PTPRR: variants seen among roughly 807,000 people sequenced by gnomAD.
The protein encoded by PTPRR is protein tyrosine phosphatase receptor type R, also known as receptor-type tyrosine-protein phosphatase R.
In PTPRR, 38 loss-of-function variants were observed where a neutral mutation model predicts 77.2. The ratio of observed to expected loss-of-function variants is 0.49; its 90% CI spans 0.38 to 0.65. The LOEUF (loss-of-function observed/expected upper bound fraction) is 0.65. Among genes scored for constraint, PTPRR ranks in the 30% least tolerant of loss-of-function variants. PTPRR has a pLI of 0.00. For missense variants in PTPRR, 744 were observed against 799.2 expected (o/e 0.93, Z 0.83); for synonymous variants, 299 against 283.1 (o/e 1.06, Z -0.57).
At chr12:70,681,174 T>C (rs1375165660) in intron 10 of PTPRR, among the ~76,000 whole-genome samples, 3 of 152,136 alleles carry the variant, frequency 2.0e-5, no homozygotes, top group Non-Finnish European at 4.4e-5. Flanking sequence ...GGTGTACTAC[T>C]GTGTGTGAAG....
chr12:70,868,486 GA>G (rs1182423334), intron 2 of PTPRR, among the ~76,000 whole-genome samples: 1 of 152,128 alleles, frequency 6.6e-6, no homozygotes, highest in African/African-American at 2.4e-5. Flanking sequence ...ACCACAATGA[GA>G]TACCATCTCA....
chr12:70,801,055 C>T (rs1565701593), intron 2 of PTPRR, among the ~76,000 whole-genome samples: 2 of 152,182 alleles, frequency 1.3e-5, no homozygotes, highest in East Asian at 1.9e-4. Context: ...TAAAAAAGAA[C>T]TACTGTAGCA....
chr12:70,646,279 G>A (rs913416622), intron 13 of PTPRR, among the ~76,000 whole-genome samples: 1 of 152,074 alleles, frequency 6.6e-6, no homozygotes, highest in Non-Finnish European at 1.5e-5. Context: ...GATTTCCCAT[G>A]GCTTTACACA....
At chr12:70,736,519 C>T (rs961784595) in intron 6 of PTPRR, among the ~76,000 whole-genome samples, 2 of 152,128 alleles carry the variant, frequency 1.3e-5, no homozygotes, top group Admixed American at 1.3e-4. Flanking sequence ...CTATTTGTCA[C>T]CCTCACAATC....
intron 1 of PTPRR, among the ~76,000 whole-genome samples, chr12:70,918,540 T>C (rs540748175): frequency 6.6e-6 from 1 of 152,338 alleles, no homozygotes; most frequent in African/African-American, 2.4e-5. Flanking sequence ...TACAGGCTTC[T>C]AGGTTTCTCA....
At position 70,675,359 on chromosome 12, in the gene PTPRR, CT is replaced by C. The variant is rs1173509893; in HGVS notation, c.1497+8767del. 1.4e-4 allele frequency among the ~76,000 whole-genome samples: 21 copies of C among 151,504 alleles called. 1 individual carries two copies. Among genetic ancestry groups the C allele is most frequent in the Non-Finnish European group, 2.7e-4 (18 of 67,758 alleles). Reference sequence around the variant, plus strand: ...GTTTATCCTGATTTTTCTATATTACCTTTTGTTTTCCCTTTTATTTTGGTTT... The same window carrying C: ...GTTTATCCTGATTTTTCTATATTACCTTTGTTTTCCCTTTTATTTTGGTTT... On this transcript the variant is annotated intron_variant, in intron 10 of 13. Transcript: ENST00000283228.
intron 13 of PTPRR, among the ~76,000 whole-genome samples, chr12:70,650,909 T>C (rs1305886032): frequency 6.6e-6 from 1 of 152,242 alleles, no homozygotes; most frequent in Non-Finnish European, 1.5e-5. Flanking sequence ...AGTGCAGTCA[T>C]ATACCTCTCA....
chr12:70,866,202 A>G, intron 2 of PTPRR, among the ~76,000 whole-genome samples: 1 of 152,080 alleles, frequency 6.6e-6, no homozygotes, highest in Admixed American at 6.6e-5. Context: ...AACTGAAGGA[A>G]ATAGAGACAC....
intron 10 of PTPRR, among the ~76,000 whole-genome samples, chr12:70,666,537 T>C (rs1414333136): frequency 6.6e-6 from 1 of 152,184 alleles, no homozygotes; most frequent in Non-Finnish European, 1.5e-5. Context: ...AAAAGAGCTT[T>C]ATGAGATAAT....
intron 2 of PTPRR, among the ~76,000 whole-genome samples, chr12:70,834,544 T>C (rs1318184353): frequency 6.6e-6 from 1 of 152,202 alleles, no homozygotes; most frequent in Non-Finnish European, 1.5e-5. Context: ...TGAAATATAT[T>C]CATAATATTC....
chr12:70,798,379 T>C (rs1045196195), intron 2 of PTPRR, among the ~76,000 whole-genome samples: 3 of 152,190 alleles, frequency 2.0e-5, no homozygotes, highest in African/African-American at 7.2e-5. Flanking sequence ...CAATCCATTC[T>C]TCATATAACA....
intron 8 of PTPRR, among the ~76,000 whole-genome samples, chr12:70,696,147 T>C (rs1042633400): frequency 6.6e-6 from 1 of 152,072 alleles, no homozygotes; most frequent in Non-Finnish European, 1.5e-5. Context: ...TATCTGTTTG[T>C]TTAGTCATAG....
intron 2 of PTPRR, among the ~76,000 whole-genome samples, chr12:70,771,226 A>T (rs921926395): frequency 1.3e-5 from 2 of 152,172 alleles, no homozygotes; most frequent in Non-Finnish European, 2.9e-5. Context: ...GCAGCCATAA[A>T]AAATGAAATT....
At chr12:70,733,470 C>CAAAAAAAA (rs1193950231) in intron 6 of PTPRR, among the ~76,000 whole-genome samples, 2 of 74,080 alleles carry the variant, frequency 2.7e-5, no homozygotes, top group Non-Finnish European at 4.9e-5. Context: ...AAAATTATGG[C>CAAAAAAAA]AAAAAAAAAA....
chr12:70,858,739 C>A (rs1196449294), intron 2 of PTPRR, among the ~76,000 whole-genome samples: 2 of 152,080 alleles, frequency 1.3e-5, no homozygotes, highest in Non-Finnish European at 2.9e-5. Flanking sequence ...GAGTGTCCAA[C>A]TGCTTACCTT....
intron 5 of PTPRR, among the ~76,000 whole-genome samples, chr12:70,752,621 A>G (rs1266616060): frequency 6.6e-6 from 1 of 152,082 alleles, no homozygotes; most frequent in Non-Finnish European, 1.5e-5. Context: ...CTGCTTTCCC[A>G]CTTCCCTTCT....
chr12:70,870,328 TCA>T (rs1412774161), intron 2 of PTPRR, among the ~76,000 whole-genome samples: 1 of 152,068 alleles, frequency 6.6e-6, no homozygotes, highest in African/African-American at 2.4e-5. Flanking sequence ...AATAATAATA[TCA>T]CACAGAGTTA....
chr12:70,729,073 G>A (rs1046119175), intron 6 of PTPRR, among the ~76,000 whole-genome samples: 3 of 152,034 alleles, frequency 2.0e-5, no homozygotes, highest in African/African-American at 4.8e-5. Context: ...ACATCCTTGC[G>A]ACCTGGACCA....
In PTPRR at chr12:70,638,288, T is replaced by G. The variant is rs17108472; in HGVS notation, c.*896A>C. On this transcript the variant is annotated 3_prime_UTR_variant, in exon 14 of 14. Coordinates refer to ENST00000283228, the MANE Select transcript of PTPRR (RefSeq NM_002849.4). ...AAAATGGGACAGATTATATCATTCCTGAAGGCATATACCTTTTGTTGAGAG... is the reference window on the plus strand; with the variant it reads ...AAAATGGGACAGATTATATCATTCCGGAAGGCATATACCTTTTGTTGAGAG... 4,272 of 152,568 alleles carry G rather than the reference T, an allele frequency of 0.028. 92 individuals are homozygous for G. Among genetic ancestry groups the G allele is most frequent in the South Asian group, 0.11 (551 of 4,828 alleles). 9.5% of individuals were successfully genotyped at this position (152,568 alleles called of 1,614,324 possible). A position where few individuals can be genotyped will look rare whatever the true frequency, so the allele number is the denominator to read the frequency against.
Sources: allele counts gnomAD v4.1 joint callset (sites outside exome capture counted in the v4.1 genomes callset), GRCh38; gene constraint gnomAD v4.1.1; transcripts MANE v1.5; gene names NCBI Gene and HGNC (gene_info 2026-07-23, HGNC 2026-07-21).